GRK5: variants seen among roughly 807,000 people sequenced by gnomAD.
GRK5 encodes the protein G protein-coupled receptor kinase 5, also known as g protein-coupled receptor kinase GRK5.
GRK5 carries 40 observed loss-of-function variants against 78.4 expected under a neutral mutation model. The ratio of observed to expected loss-of-function variants is 0.51; its 90% CI spans 0.40 to 0.66. GRK5 has a LOEUF of 0.66. GRK5 is among the 30% of genes least tolerant of loss of function. The pLI, the probability that GRK5 is intolerant of heterozygous loss-of-function variation, is 0.00. For synonymous variants in GRK5, 289 were observed against 296.8 expected (o/e 0.97, Z 0.27); for missense variants, 598 against 759.9 (o/e 0.79, Z 2.50).
intron 1 of GRK5, among the ~76,000 whole-genome samples, chr10:119,262,585 G>A (rs113500753): frequency 4.6e-5 from 7 of 151,940 alleles, no homozygotes; most frequent in Middle Eastern, 3.2e-3. Flanking sequence ...TTCATGATCC[G>A]CCCACCTCAG....
chr10:119,249,692 G>A lies in GRK5; in HGVS notation c.52+41723G>A, dbSNP rs1849170221. Among the ~76,000 whole-genome samples the A allele has an allele frequency of 2.0e-5, 3 of 152,040 alleles. No individual in the cohort carries two copies. The South Asian group carries it at 6.2e-4, about 32-fold the overall frequency. On this transcript the variant is annotated intron_variant, in intron 1 of 15. Transcript: ENST00000392870. ...TTTTAAATATTTTTAGTAGAGATGG[G>A]GTTTCATCATGTTGGCCAGGCTGGT...
At chr10:119,215,633 GC>G (rs1237230056) in intron 1 of GRK5, among the ~76,000 whole-genome samples, 12 of 151,410 alleles carry the variant, frequency 7.9e-5, no homozygotes, top group Non-Finnish European at 1.5e-4. Flanking sequence ...ATGGATGGTG[GC>G]GGGGGTGGAG....
At chr10:119,245,844 C>CAT (rs1849098716) in intron 1 of GRK5, among the ~76,000 whole-genome samples, 1 of 151,532 alleles carries the variant, frequency 6.6e-6, no homozygotes, top group Non-Finnish European at 1.5e-5. Flanking sequence ...GATGAAACCC[C>CAT]GTCTCTACTA....
intron 1 of GRK5, among the ~76,000 whole-genome samples, chr10:119,286,077 GA>G (rs1164291614): frequency 6.6e-6 from 1 of 151,726 alleles, no homozygotes; most frequent in East Asian, 1.9e-4. Flanking sequence ...ACCCCACTGT[GA>G]ATGTTTTACT....
At position 119,268,813 on chromosome 10, in the gene GRK5, A is replaced by G. The variant is rs1589712888; in HGVS notation, c.53-57703A>G. Reference sequence around the variant, plus strand: ...TGGTGCTGCCTCTTTAGTGCCTAAGAAACGCTACCCTGGCCCTGTCTCCAG... The same window carrying G: ...TGGTGCTGCCTCTTTAGTGCCTAAGGAACGCTACCCTGGCCCTGTCTCCAG... On this transcript the variant is annotated intron_variant, in intron 1 of 15. Transcript: ENST00000392870. Among the ~76,000 whole-genome samples, 3 of 152,212 alleles carry G rather than the reference A, an allele frequency of 2.0e-5. No homozygotes were observed. The South Asian group carries it at 6.2e-4, about 32-fold the overall frequency.
intron 2 of GRK5, among the ~76,000 whole-genome samples, chr10:119,353,539 T>A (rs1437923151): frequency 6.6e-6 from 1 of 152,182 alleles, no homozygotes; most frequent in Non-Finnish European, 1.5e-5. Flanking sequence ...AAGTCCATAT[T>A]CTTTGGTGAA....
chr10:119,413,540 C>T (rs1459226296), intron 4 of GRK5, among the ~76,000 whole-genome samples: 1 of 151,986 alleles, frequency 6.6e-6, no homozygotes. Flanking sequence ...CCTGGATTTG[C>T]GTCTCAGGTC....
intron 1 of GRK5, among the ~76,000 whole-genome samples, chr10:119,308,680 AC>A (rs1850312129): frequency 6.6e-6 from 1 of 152,182 alleles, no homozygotes; most frequent in Non-Finnish European, 1.5e-5. Flanking sequence ...GAGCTTTCTT[AC>A]GCCTCGTTCT....
Position 119,244,216 on chromosome 10 carries a change from G to GC in GRK5, c.52+36250dup, listed in dbSNP as rs1485141481. Among the ~76,000 whole-genome samples the GC allele has an allele frequency of 2.0e-5, 3 of 152,382 alleles. No individual in the cohort carries two copies. In the East Asian group the frequency reaches 5.8e-4, roughly 29 times the overall value. Reference sequence around the variant, plus strand: ...AAGAACAGGTGTTGGGCCAGATTTGGCCCACAGGCCTTATCTTGCCATCCC... The same window carrying GC: ...AAGAACAGGTGTTGGGCCAGATTTGGCCCCACAGGCCTTATCTTGCCATCCC... On this transcript the variant is annotated intron_variant, in intron 1 of 15. Transcript: ENST00000392870.
intron 1 of GRK5, among the ~76,000 whole-genome samples, chr10:119,284,767 T>C (rs1322134858): frequency 1.3e-5 from 2 of 152,202 alleles, no homozygotes; most frequent in African/African-American, 4.8e-5. Flanking sequence ...GCCTGTGTAC[T>C]GGGCTGCCAG....
At chr10:119,245,717 G>T (rs1849096221) in intron 1 of GRK5, among the ~76,000 whole-genome samples, 1 of 152,086 alleles carries the variant, frequency 6.6e-6, no homozygotes, top group Non-Finnish European at 1.5e-5. Context: ...ATCATACTGT[G>T]CACTTAAAAA....
intron 2 of GRK5, among the ~76,000 whole-genome samples, chr10:119,357,548 C>A (rs1851283159): frequency 6.6e-6 from 1 of 152,188 alleles, no homozygotes; most frequent in Non-Finnish European, 1.5e-5. Context: ...GTGGGGGAAG[C>A]ATTAGTCTGG....
intron 1 of GRK5, among the ~76,000 whole-genome samples, chr10:119,266,339 C>G (rs1428594302): frequency 6.6e-6 from 1 of 152,116 alleles, no homozygotes; most frequent in Non-Finnish European, 1.5e-5. Flanking sequence ...TGCTTGTAAT[C>G]CCAGCTACTC....
chr10:119,338,511 A>G (rs941958330), intron 2 of GRK5, among the ~76,000 whole-genome samples: 1 of 152,308 alleles, frequency 6.6e-6, no homozygotes, highest in East Asian at 1.9e-4. Flanking sequence ...TTAACATAGT[A>G]TCAAAAATGT....
chr10:119,350,256 A>C (rs771798751), intron 2 of GRK5, among the ~76,000 whole-genome samples: 2 of 152,120 alleles, frequency 1.3e-5, no homozygotes, highest in Non-Finnish European at 2.9e-5. Flanking sequence ...TACCGCCTAC[A>C]CCTGTCTTAT....
intron 1 of GRK5, among the ~76,000 whole-genome samples, chr10:119,291,508 GCCTCCTCCT>G (rs1294494400): frequency 7.5e-6 from 1 of 134,180 alleles, no homozygotes; most frequent in African/African-American, 2.8e-5. Flanking sequence ...TGCTGCTGCT[GCCTCCTCCT>G]CCTCCTCTTC....
At chr10:119,278,505 G>C (rs545473942) in intron 1 of GRK5, among the ~76,000 whole-genome samples, 1 of 152,034 alleles carries the variant, frequency 6.6e-6, no homozygotes. Flanking sequence ...TGAAAGCTTC[G>C]ATGCCTCAGG....
At chr10:119,304,358 C>A (rs995556783) in intron 1 of GRK5, among the ~76,000 whole-genome samples, 20 of 139,142 alleles carry the variant, frequency 1.4e-4, no homozygotes, top group African/African-American at 5.5e-4. Flanking sequence ...GGCATGATCT[C>A]AGCTCACTGC....
chr10:119,268,217 G>A (rs893673887), intron 1 of GRK5, among the ~76,000 whole-genome samples: 2 of 152,226 alleles, frequency 1.3e-5, no homozygotes, highest in African/African-American at 4.8e-5. Flanking sequence ...AAAATGGAAT[G>A]AACAAAGTCA....
Sources: allele counts gnomAD v4.1 joint callset (sites outside exome capture counted in the v4.1 genomes callset), GRCh38; gene constraint gnomAD v4.1.1; transcripts MANE v1.5; gene names NCBI Gene and HGNC (gene_info 2026-07-23, HGNC 2026-07-21).